FAM227B: variants seen among roughly 807,000 people sequenced by gnomAD.
The protein encoded by FAM227B is family with sequence similarity 227 member B.
FAM227B carries 88 observed loss-of-function variants against 73.8 expected under a neutral mutation model. That is an observed-to-expected ratio of 1.19 (90% CI 1.00 to 1.42). The LOEUF (loss-of-function observed/expected upper bound fraction) is 1.42. Among genes scored for constraint, FAM227B ranks in the 40% most tolerant of loss-of-function variants. FAM227B has a pLI of 0.00. For missense variants in FAM227B, 632 were observed against 590.9 expected (o/e 1.07, Z -0.72); for synonymous variants, 210 against 190.5 (o/e 1.10, Z -0.84).
intron 3 of FAM227B, among the ~76,000 whole-genome samples, chr15:49,606,726 A>G (rs1379930435): frequency 1.3e-5 from 2 of 152,208 alleles, no homozygotes; most frequent in Non-Finnish European, 2.9e-5. Context: ...CTGGGCCACC[A>G]AGCAAACCCT....
chr15:49,402,096 A>G (rs980256432), intron 11 of FAM227B, among the ~76,000 whole-genome samples: 2 of 152,146 alleles, frequency 1.3e-5, no homozygotes, highest in Non-Finnish European at 1.5e-5. Flanking sequence ...CTCTTCCTAA[A>G]TGAGAAAAGG....
At chr15:49,525,701 T>TAC (rs2060132333) in intron 10 of FAM227B, among the ~76,000 whole-genome samples, 1 of 64,234 alleles carries the variant, frequency 1.6e-5, no homozygotes, top group African/African-American at 4.2e-5. Context: ...TATATATATA[T>TAC]ATATATATAT....
intron 11 of FAM227B, chr15:49,487,747 C>T (rs1177708461): frequency 6.6e-6 from 1 of 151,892 alleles, no homozygotes; most frequent in Non-Finnish European, 1.5e-5. Flanking sequence ...CGGAACATTT[C>T]TTTTCTCTTA....
chr15:49,614,774 G>A (rs12907944), intron 2 of FAM227B: 65,363 of 245,560 alleles, frequency 0.27, 10,139 homozygotes, highest in Non-Finnish European at 0.35. Context: ...CTGACTACCT[G>A]TTTCCTGTTA....
chr15:49,574,903 C>A, intron 8 of FAM227B, 108 bp downstream of exon 8: 1 of 570,918 alleles, frequency 1.8e-6, no homozygotes, highest in Non-Finnish European at 3.1e-6. Flanking sequence ...AAAAACTAAT[C>A]TCTGTAGTTG....
At chr15:49,471,554 T>C (rs906089390) in intron 11 of FAM227B, among the ~76,000 whole-genome samples, 2 of 150,546 alleles carry the variant, frequency 1.3e-5, no homozygotes, top group African/African-American at 2.4e-5. Context: ...AATGAATTTA[T>C]ATACAGAAGA....
intron 11 of FAM227B, among the ~76,000 whole-genome samples, chr15:49,467,022 C>T (rs1398162944): frequency 1.1e-4 from 17 of 152,000 alleles, no homozygotes; most frequent in Non-Finnish European, 1.5e-5. Context: ...GATTTGAAAC[C>T]AAAATGTTTA....
At chr15:49,550,265 C>A (rs1276030005) in intron 9 of FAM227B, among the ~76,000 whole-genome samples, 3 of 146,068 alleles carry the variant, frequency 2.1e-5, no homozygotes, top group African/African-American at 5.1e-5. Context: ...GGGCTCCTCA[C>A]TTCCCAGTAG....
At chr15:49,493,929 G>T (rs1231842949) in intron 11 of FAM227B, among the ~76,000 whole-genome samples, 1 of 151,574 alleles carries the variant, frequency 6.6e-6, no homozygotes, top group Non-Finnish European at 1.5e-5. Context: ...ATAGTACAGT[G>T]TCAGGCACTG....
chr15:49,342,137 T>C (rs984911599), intron 13 of FAM227B, among the ~76,000 whole-genome samples: 2 of 152,190 alleles, frequency 1.3e-5, no homozygotes, highest in African/African-American at 4.8e-5. Flanking sequence ...GGTGTTGAAG[T>C]TCCCCGTCCC....
chr15:49,381,094 C>T (rs1439804186), intron 11 of FAM227B, among the ~76,000 whole-genome samples: 1 of 152,020 alleles, frequency 6.6e-6, no homozygotes, highest in African/African-American at 2.4e-5. Context: ...CATTTTTAAA[C>T]AACTGATCAA....
At chr15:49,371,543 CAACT>C in intron 11 of FAM227B, 144 bp from the exon 12 acceptor site, 1 of 392,498 alleles carries the variant, frequency 2.5e-6, no homozygotes. Context: ...GACATTGTTA[CAACT>C]TGTCCCAAAG....
chr15:49,331,664 C>G (rs906417140), intron 15 of FAM227B, 116 bp downstream of exon 15: 10 of 662,282 alleles, frequency 1.5e-5, no homozygotes, highest in Non-Finnish European at 2.7e-6. Context: ...AGAATGTATC[C>G]TCTCCTGCCA....
At chr15:49,389,182 C>G (rs1468371283) in intron 11 of FAM227B, among the ~76,000 whole-genome samples, 1 of 152,004 alleles carries the variant, frequency 6.6e-6, no homozygotes, top group Admixed American at 6.6e-5. Context: ...GAAAAAGACA[C>G]TTGCCCATGT....
intron 11 of FAM227B, among the ~76,000 whole-genome samples, chr15:49,449,267 A>G (rs971694782): frequency 6.6e-6 from 1 of 152,060 alleles, no homozygotes; most frequent in Non-Finnish European, 1.5e-5. Context: ...TATATGGAAT[A>G]AAGCAATCAT....
intron 9 of FAM227B, among the ~76,000 whole-genome samples, chr15:49,547,106 G>C (rs2072027484): frequency 6.6e-6 from 1 of 152,220 alleles, no homozygotes; most frequent in Admixed American, 6.5e-5. Flanking sequence ...CAAGCCAGAA[G>C]AGAGTGGGGA....
intron 3 of FAM227B, among the ~76,000 whole-genome samples, chr15:49,591,320 TCAGCC>T (rs2076544093): frequency 6.6e-6 from 1 of 151,184 alleles, no homozygotes. Context: ...TCCGCCTGCC[TCAGCC>T]TCCCAAAGTG....
At chr15:49,522,850 T>C (rs2152180483) in intron 10 of FAM227B, among the ~76,000 whole-genome samples, 1 of 152,236 alleles carries the variant, frequency 6.6e-6, no homozygotes, top group Admixed American at 6.5e-5. Context: ...AAAAAGGAAT[T>C]TGAAAACATA....
At chr15:49,549,408 G>A (rs1033023963) in intron 9 of FAM227B, among the ~76,000 whole-genome samples, 6 of 151,826 alleles carry the variant, frequency 4.0e-5, no homozygotes, top group African/African-American at 1.5e-4. Context: ...AACAGTGGAG[G>A]GAAGGTCAGC....
Sources: gnomAD v4.1 joint callset for allele counts (sites outside exome capture counted in the v4.1 genomes callset) on GRCh38, gnomAD v4.1.1 for gene constraint, MANE v1.5 for transcripts, NCBI Gene and HGNC (gene_info 2026-07-23, HGNC 2026-07-21) for gene names.